Variants in AGBL1 observed in about 807,000 individuals in gnomAD.
AGBL1 encodes the protein cytosolic carboxypeptidase 4.
In AGBL1, 130 loss-of-function variants were observed where a neutral mutation model predicts 118.9. That is an observed-to-expected ratio of 1.09 (90% confidence interval 0.95 to 1.26). The LOEUF (loss-of-function observed/expected upper bound fraction) is 1.26. AGBL1 is among the 50% of genes most tolerant of loss of function. The pLI is 0.00. For synonymous variants in AGBL1, 555 were observed against 478.9 expected (o/e 1.16, Z -2.08); for missense variants, 1,584 against 1,298.1 (o/e 1.22, Z -3.38).
intron 24 of AGBL1, among the ~76,000 whole-genome samples, chr15:87,013,588 G>A (rs538890867): frequency 2.0e-5 from 3 of 151,968 alleles, no homozygotes; most frequent in Admixed American, 6.6e-5. Flanking sequence ...TAAATAAGTA[G>A]GAAGGGTTCC....
Position 86,236,986 on chromosome 15 carries a change from G to C in AGBL1, c.527-10685G>C, listed in dbSNP as rs1390731183. On this transcript the variant is annotated intron_variant, in intron 6 of 22. Coordinates refer to ENST00000614907, the MANE Select transcript of AGBL1 (RefSeq NM_001386094.1). ...GCCAAGTTGCCAGGCACATGTTGGG[G>C]CAAGGGCAAGAAGATGTGGGTGGGC... Among the ~76,000 whole-genome samples, 5 of 144,854 alleles carry C rather than the reference G, an allele frequency of 3.5e-5. No homozygotes were observed. The South Asian group carries it at 1.1e-3, about 33-fold the overall frequency.
Position 86,416,612 on chromosome 15 carries a change from C to A in AGBL1, c.2555+19066C>A, listed in dbSNP as rs1386584604. On this transcript the variant is annotated intron_variant, in intron 18 of 22. Transcript: ENST00000614907. ...ATTCAATATCTAGCTATTAATCTAG[C>A]CATCTTGGCAGTGCATTATTGAGTG... Among the ~76,000 whole-genome samples, 10 of 152,220 alleles carry A rather than the reference C, an allele frequency of 6.6e-5. No homozygotes were observed. In the East Asian group the frequency reaches 1.9e-3, roughly 29 times the overall value.
intron 18 of AGBL1, among the ~76,000 whole-genome samples, chr15:86,485,738 C>G (rs1324296174): frequency 6.6e-6 from 1 of 152,024 alleles, no homozygotes; most frequent in Non-Finnish European, 1.5e-5. Context: ...TTTGCAAACT[C>G]CTAAAACATA....
At chr15:86,886,453 G>A (rs913216029) in intron 22 of AGBL1, among the ~76,000 whole-genome samples, 21 of 152,154 alleles carry the variant, frequency 1.4e-4, no homozygotes, top group African/African-American at 4.8e-4. Context: ...CCCTAATCTG[G>A]AAGTGGAGTG....
intron 18 of AGBL1, among the ~76,000 whole-genome samples, chr15:86,465,850 G>C (rs1486091212): frequency 6.6e-6 from 1 of 152,152 alleles, no homozygotes; most frequent in African/African-American, 2.4e-5. Context: ...CTGGCCTTGT[G>C]ATCTCACTCT....
At chr15:86,456,750 T>G (rs1309790855) in intron 18 of AGBL1, among the ~76,000 whole-genome samples, 1 of 152,232 alleles carries the variant, frequency 6.6e-6, no homozygotes, top group Non-Finnish European at 1.5e-5. Context: ...ATGACAGTTT[T>G]GATGCTTCAT....
intron 22 of AGBL1, among the ~76,000 whole-genome samples, chr15:86,747,964 C>G (rs967284153): frequency 2.6e-5 from 4 of 152,098 alleles, no homozygotes; most frequent in Non-Finnish European, 2.9e-5. Flanking sequence ...TTTATAGCAG[C>G]ATGATTTATA....
intron 22 of AGBL1, among the ~76,000 whole-genome samples, chr15:86,715,147 C>G (rs1281774289): frequency 2.0e-5 from 3 of 152,082 alleles, no homozygotes; most frequent in Non-Finnish European, 2.9e-5. Context: ...CTGATTTAAG[C>G]CTGCAAAGCT....
intron 5 of AGBL1, among the ~76,000 whole-genome samples, chr15:86,166,601 C>A (rs942705502): frequency 3.3e-5 from 5 of 152,120 alleles, no homozygotes; most frequent in Non-Finnish European, 5.9e-5. Flanking sequence ...TTCTCTAATC[C>A]CCTGTCACCT....
chr15:86,154,730 A>T (rs572068096), intron 4 of AGBL1, among the ~76,000 whole-genome samples, 169 bp downstream of exon 4: 1 of 152,260 alleles, frequency 6.6e-6, no homozygotes, highest in Admixed American at 6.5e-5. Flanking sequence ...GGAGGTGAGA[A>T]GTTACTTCAT....
intron 5 of AGBL1, among the ~76,000 whole-genome samples, chr15:86,204,443 A>G (rs2077956714): frequency 6.6e-6 from 1 of 151,978 alleles, no homozygotes; most frequent in Non-Finnish European, 1.5e-5. Context: ...TGTGTCTCCC[A>G]TCAGAGTGGT....
intron 18 of AGBL1, among the ~76,000 whole-genome samples, chr15:86,478,486 C>A (rs2082596012): frequency 6.6e-6 from 1 of 152,092 alleles, no homozygotes; most frequent in Non-Finnish European, 1.5e-5. Flanking sequence ...TTCACAATTG[C>A]TTCGAAGAGA....
intron 22 of AGBL1, among the ~76,000 whole-genome samples, chr15:86,676,282 ATGGTAAT>A (rs2085845547): frequency 6.6e-6 from 1 of 152,100 alleles, no homozygotes; most frequent in East Asian, 1.9e-4. Context: ...AGACATTTGT[ATGGTAAT>A]ATATTTTCCT....
At position 86,777,886 on chromosome 15, in the gene AGBL1, AAG is replaced by A. The variant is rs1343168284; in HGVS notation, c.3158+103454_3158+103455del. Among the ~76,000 whole-genome samples the A allele has an allele frequency of 1.1e-4, 16 of 152,290 alleles. No homozygotes were observed. In the East Asian group the frequency reaches 2.7e-3, roughly 26 times the overall value. On this transcript the variant is annotated intron_variant, in intron 22 of 22. Coordinates refer to ENST00000614907, the MANE Select transcript of AGBL1 (RefSeq NM_001386094.1). The stretch of plus-strand genomic sequence containing the variant: ...TAATCAAGAAACTGTCACCTAGACA[AAG>A]AGAAATTTTTAAAAGCTAATTATCG...
intron 24 of AGBL1, among the ~76,000 whole-genome samples, chr15:87,011,794 C>T (rs1363095942): frequency 6.6e-6 from 1 of 152,198 alleles, no homozygotes; most frequent in Non-Finnish European, 1.5e-5. Context: ...GGCTTAGCCA[C>T]TTGTTTAAGA....
chr15:86,290,549 G>A lies in AGBL1; in HGVS notation c.2221-4706G>A, dbSNP rs1043538508. Among the ~76,000 whole-genome samples, 4 of 151,568 alleles carry A rather than the reference G, an allele frequency of 2.6e-5. No individual in the cohort carries two copies. In the East Asian group the frequency reaches 7.8e-4, roughly 29 times the overall value. ...GTATTTTTAGTAGAGATGGGGTCTT[G>A]CCATGTAGCCCAGGCTGGTCTTGAA... On this transcript the variant is annotated intron_variant, in intron 16 of 22. Transcript: ENST00000614907.
chr15:86,502,669 T>A (rs2082931307), intron 18 of AGBL1, among the ~76,000 whole-genome samples: 1 of 151,430 alleles, frequency 6.6e-6, no homozygotes, highest in Non-Finnish European at 1.5e-5. Flanking sequence ...CAGTAGCTCT[T>A]GAGATGATTG....
At chr15:86,745,751 G>C (rs1296075943) in intron 22 of AGBL1, among the ~76,000 whole-genome samples, 1 of 152,044 alleles carries the variant, frequency 6.6e-6, no homozygotes, top group Non-Finnish European at 1.5e-5. Flanking sequence ...CTCTCCTACT[G>C]GTAGCCAGTC....
intron 18 of AGBL1, among the ~76,000 whole-genome samples, chr15:86,439,971 A>C (rs765471733): frequency 6.6e-6 from 1 of 151,944 alleles, no homozygotes; most frequent in Non-Finnish European, 1.5e-5. Context: ...CCAGTCTTAT[A>C]TCTGAAGTTT....
Sources: gnomAD v4.1 joint callset for allele counts (sites outside exome capture counted in the v4.1 genomes callset) on GRCh38, gnomAD v4.1.1 for gene constraint, MANE v1.5 for transcripts, NCBI Gene and HGNC (gene_info 2026-07-23, HGNC 2026-07-21) for gene names.